The following TNIK variants were observed in gnomAD, a reference collection of about 807,000 sequenced individuals.
The protein encoded by TNIK is TRAF2 and NCK interacting kinase, also known as TRAF2 and NCK-interacting protein kinase.
In TNIK, 49 loss-of-function variants were observed where a neutral mutation model predicts 191.3. That is an observed-to-expected ratio of 0.26 (90% CI 0.20 to 0.32). The LOEUF is 0.32. TNIK is among the 10% of genes least tolerant of loss of function. The pLI, the probability that TNIK is intolerant of heterozygous loss-of-function variation, is 1.00. For synonymous variants in TNIK, 594 were observed against 600.9 expected (o/e 0.99, Z 0.17); for missense variants, 1,155 against 1,702.3 (o/e 0.68, Z 5.66).
chr3:171,261,265 C>T (rs1747570407), intron 2 of TNIK, among the ~76,000 whole-genome samples: 1 of 152,162 alleles, frequency 6.6e-6, no homozygotes, highest in Admixed American at 6.5e-5. Context: ...TGCTGATTGC[C>T]TTCCCTTTTT....
chr3:171,261,021 TAC>T (rs1382807821), intron 2 of TNIK, among the ~76,000 whole-genome samples: 2 of 152,224 alleles, frequency 1.3e-5, no homozygotes, highest in Admixed American at 1.3e-4. Flanking sequence ...AGCAACAGAT[TAC>T]TTAAAAGCTT....
chr3:171,296,366 TCCC>T (rs1371880838), intron 2 of TNIK, among the ~76,000 whole-genome samples: 1 of 152,076 alleles, frequency 6.6e-6, no homozygotes, highest in East Asian at 1.9e-4. Flanking sequence ...AACCTACCCT[TCCC>T]CCCAACACAC....
chr3:171,168,502 A>G (rs1368059320), intron 9 of TNIK, among the ~76,000 whole-genome samples: 1 of 152,168 alleles, frequency 6.6e-6, no homozygotes, highest in Non-Finnish European at 1.5e-5. Context: ...GCACTTTTGT[A>G]TGCACCACTC....
At chr3:171,153,978 T>C (rs1390296473) in intron 12 of TNIK, among the ~76,000 whole-genome samples, 2 of 152,212 alleles carry the variant, frequency 1.3e-5, no homozygotes, top group Non-Finnish European at 2.9e-5. Flanking sequence ...GGAGACTGTA[T>C]TTCTAGTGTC....
chr3:171,168,263 G>A (rs538602947), intron 9 of TNIK, among the ~76,000 whole-genome samples: 1 of 152,178 alleles, frequency 6.6e-6, no homozygotes, highest in Non-Finnish European at 1.5e-5. Context: ...GGCACTCCAG[G>A]AGACCTTGAT....
intron 10 of TNIK, among the ~76,000 whole-genome samples, chr3:171,166,147 C>T (rs531795380): frequency 6.6e-6 from 1 of 152,258 alleles, no homozygotes; most frequent in Non-Finnish European, 1.5e-5. Flanking sequence ...AGTGGTGAAC[C>T]TTAGCTATGA....
intron 2 of TNIK, among the ~76,000 whole-genome samples, chr3:171,267,388 T>C (rs1017190808): frequency 6.6e-6 from 1 of 152,256 alleles, no homozygotes; most frequent in East Asian, 1.9e-4. Context: ...TGAAACAAGA[T>C]ACAGCAAAGG....
chr3:171,290,217 A>T (rs967487368), intron 2 of TNIK, among the ~76,000 whole-genome samples: 2 of 152,208 alleles, frequency 1.3e-5, no homozygotes, highest in African/African-American at 4.8e-5. Context: ...GTGCTCAAAA[A>T]TACCTATGGT....
Position 171,163,138 on chromosome 3 carries a change from G to A in TNIK, c.950-1802C>T, listed in dbSNP as rs138792445. On this transcript the variant is annotated intron_variant, in intron 10 of 32. Transcript: ENST00000436636. The stretch of plus-strand genomic sequence containing the variant: ...GGAAACAATGAGCTGTGAGTAGTTA[G>A]GTGCCTGGGTGTGAGAAAACCTTAT... 2.5e-3 allele frequency among the ~76,000 whole-genome samples: 380 copies of A among 152,326 alleles called. 7 individuals are homozygous for A. The highest frequency in any genetic ancestry group is 6.6e-4 in the Non-Finnish European group (45 of 68,020).
Position 171,253,596 on chromosome 3 carries a change from C to T in TNIK, c.124-25375G>A, listed in dbSNP as rs139439209. 2.2e-5 allele frequency among the ~76,000 whole-genome samples: 3 copies of T among 138,270 alleles called. 1 individual carries two copies. The highest frequency in any genetic ancestry group is 7.8e-5 in the African/African-American group (3 of 38,388). The allele number at this position is 138,270 out of a possible 152,430, so 90.7% of individuals were successfully genotyped here. ...AAGAAATCAGAAGACAGGTCCCCCC[C>T]CCACCCCACCCCCAGTTATCTCAAA... On this transcript the variant is annotated intron_variant, in intron 2 of 32. Transcript: ENST00000436636.
chr3:171,220,179 G>A (rs996954573), intron 3 of TNIK, among the ~76,000 whole-genome samples: 3 of 152,080 alleles, frequency 2.0e-5, no homozygotes, highest in Non-Finnish European at 2.9e-5. Context: ...ACTCATAAGC[G>A]GGAGTTGAAC....
intron 1 of TNIK, among the ~76,000 whole-genome samples, chr3:171,381,196 AG>A (rs1717983329): frequency 6.6e-6 from 1 of 152,182 alleles, no homozygotes. Context: ...AGGATCTAAA[AG>A]CTTTTTGGCA....
rs565126644 is a variant in TNIK, at chr3:171,368,633, C to G, written c.123+987G>C. Among the ~76,000 whole-genome samples the G allele has an allele frequency of 2.6e-5, 4 of 152,140 alleles. No homozygotes were observed. The South Asian group carries it at 8.3e-4, about 32-fold the overall frequency. ...ATAAATGTGTATCCACTTAGAATCT[C>G]GAGAATACCCTATAAATAATACTTT... On this transcript the variant is annotated intron_variant, in intron 2 of 32. Coordinates refer to ENST00000436636, the MANE Select transcript of TNIK (RefSeq NM_015028.4).
At chr3:171,133,647 C>T (rs1297902268) in intron 15 of TNIK, among the ~76,000 whole-genome samples, 2 of 152,140 alleles carry the variant, frequency 1.3e-5, no homozygotes, top group Admixed American at 1.3e-4. Context: ...CTTACTATTT[C>T]CTTCCAGGTC....
intron 1 of TNIK, among the ~76,000 whole-genome samples, chr3:171,406,486 G>A (rs949019341): frequency 1.3e-5 from 2 of 152,122 alleles, no homozygotes; most frequent in Admixed American, 6.5e-5. Context: ...CTGGAGTACA[G>A]TGGCACAATT....
chr3:171,214,707 C>T (rs1254384093), intron 3 of TNIK, among the ~76,000 whole-genome samples: 2 of 152,132 alleles, frequency 1.3e-5, no homozygotes, highest in Non-Finnish European at 2.9e-5. Flanking sequence ...AGAAGGATTA[C>T]TTAAATCAGA....
intron 4 of TNIK, among the ~76,000 whole-genome samples, chr3:171,196,987 C>A (rs1476348047): frequency 1.3e-5 from 2 of 152,194 alleles, no homozygotes; most frequent in Non-Finnish European, 2.9e-5. Flanking sequence ...GATCTCCTGA[C>A]TTTGTGATCC....
chr3:171,107,171 G>A lies in TNIK; in HGVS notation c.2406+12C>T, dbSNP rs764141282. 4.3e-6 allele frequency: 7 copies of A among 1,609,622 alleles called. No individual in the cohort carries two copies. The East Asian group carries it at 1.3e-4, about 31-fold the overall frequency. ...TTTTGTGAAAGCATGACCAAGAAAA[G>A]GTAATACTAACCTCATCTATAGCTT... is the stretch of plus-strand genomic sequence containing the variant. On this transcript the variant is annotated intron_variant, in intron 21 of 32. Coordinates refer to ENST00000436636, the MANE Select transcript of TNIK (RefSeq NM_015028.4).
chr3:171,285,599 T>C (rs1038699469), intron 2 of TNIK, among the ~76,000 whole-genome samples: 1 of 152,236 alleles, frequency 6.6e-6, no homozygotes, highest in African/African-American at 2.4e-5. Flanking sequence ...GCCTGTAAGA[T>C]GATAAACACC....
Sources: allele counts gnomAD v4.1 joint callset (sites outside exome capture counted in the v4.1 genomes callset), GRCh38; gene constraint gnomAD v4.1.1; transcripts MANE v1.5; gene names NCBI Gene and HGNC (gene_info 2026-07-23, HGNC 2026-07-21).